PLXNA4: variants seen among roughly 807,000 people sequenced by gnomAD.
PLXNA4 encodes plexin A4, also known as plexin-A4.
In PLXNA4, 44 loss-of-function variants were observed where a neutral mutation model predicts 191.8. That is an observed-to-expected ratio of 0.23 (90% CI 0.18 to 0.29). The LOEUF (loss-of-function observed/expected upper bound fraction) is 0.29, where lower values mean the gene tolerates loss of function less well. PLXNA4 is among the 10% of genes least tolerant of loss of function. PLXNA4 has a pLI of 1.00. For missense variants in PLXNA4, 1,800 were observed against 2,488.8 expected (o/e 0.72, Z 5.89); for synonymous variants, 1,082 against 1,009.5 (o/e 1.07, Z -1.36).
chr7:132,140,867 G>A (rs1222042802), intron 29 of PLXNA4, 56 bp from the exon 30 acceptor site: 8 of 1,594,800 alleles, frequency 5.0e-6, no homozygotes, highest in Non-Finnish European at 6.8e-6. Context: ...GGGCTGTGGT[G>A]TGGGTAGGAG....
At position 132,267,464 on chromosome 7, in the gene PLXNA4, A is replaced by G. The variant is rs998681075; in HGVS notation, c.1504-26298T>C. ...AGCAGTTCTGACCTTGACTTAGTAT[A>G]TCTTCCAGCTAATCATGAGTCTAGA... On this transcript the variant is annotated intron_variant, in intron 4 of 31. Transcript: ENST00000321063. Among the ~76,000 whole-genome samples the G allele has an allele frequency of 2.0e-5, 3 of 152,184 alleles. No individual in the cohort carries two copies. The East Asian group carries it at 5.8e-4, about 29-fold the overall frequency.
At chr7:132,563,722 CTCT>C (rs1159246207) in intron 1 of PLXNA4, among the ~76,000 whole-genome samples, 19 of 113,444 alleles carry the variant, frequency 1.7e-4, no homozygotes, top group African/African-American at 6.8e-4. Context: ...TCTCCTCCTC[CTCT>C]TCCTCTTCCT....
At chr7:132,139,187 T>TC (rs928046310) in intron 30 of PLXNA4, among the ~76,000 whole-genome samples, 3 of 152,110 alleles carry the variant, frequency 2.0e-5, no homozygotes, top group Non-Finnish European at 4.4e-5. Context: ...ACCACCTGCA[T>TC]CAGTAGGAAA....
intron 3 of PLXNA4, among the ~76,000 whole-genome samples, chr7:132,367,427 G>C (rs886504531): frequency 2.0e-5 from 3 of 151,976 alleles, no homozygotes; most frequent in African/African-American, 7.3e-5. Flanking sequence ...ACACACTCGG[G>C]AGTGAGGTGG....
intron 3 of PLXNA4, among the ~76,000 whole-genome samples, chr7:132,397,368 T>C (rs35807186): frequency 0.16 from 24,864 of 152,178 alleles, 2,735 homozygotes; most frequent in African/African-American, 0.28. Context: ...GTTTGGATAC[T>C]GAGATGCGTC....
At chr7:132,217,716 A>C (rs1798008220) in intron 9 of PLXNA4, among the ~76,000 whole-genome samples, 1 of 152,208 alleles carries the variant, frequency 6.6e-6, no homozygotes, top group South Asian at 2.1e-4. Context: ...GATCTATGAC[A>C]GGCTGGTTCA....
intron 3 of PLXNA4, among the ~76,000 whole-genome samples, chr7:132,389,426 T>C (rs1805303132): frequency 6.6e-6 from 1 of 152,240 alleles, no homozygotes; most frequent in African/African-American, 2.4e-5. Context: ...CTTGAATCCA[T>C]CTTGAGTTAA....
At chr7:132,168,101 G>C (rs965368185) in intron 22 of PLXNA4, among the ~76,000 whole-genome samples, 5 of 152,210 alleles carry the variant, frequency 3.3e-5, no homozygotes, top group African/African-American at 4.8e-5. Flanking sequence ...GAGCCAACAA[G>C]TCCATGCATC....
intron 3 of PLXNA4, among the ~76,000 whole-genome samples, chr7:132,403,554 C>T (rs139521302): frequency 2.0e-5 from 3 of 152,188 alleles, no homozygotes; most frequent in African/African-American, 7.2e-5. Context: ...TCTTACTGAT[C>T]GCGTTTGCTT....
chr7:132,241,053 C>G lies in PLXNA4; in HGVS notation c.1604+13G>C. ...AAGTGGGAGGCACGAGGCAGCCTCC[C>G]CATGGTACTCACGTGTTGTGCAGCA... is the stretch of plus-strand genomic sequence containing the variant. On this transcript the variant is annotated intron_variant, in intron 5 of 31. Transcript: ENST00000321063. 2.5e-6 allele frequency: 4 copies of G among 1,582,726 alleles called. No homozygotes were observed. The South Asian group carries it at 3.5e-5, about 14-fold the overall frequency.
chr7:132,473,077 G>A (rs1025287830), intron 3 of PLXNA4, among the ~76,000 whole-genome samples: 3 of 152,228 alleles, frequency 2.0e-5, no homozygotes, highest in African/African-American at 7.2e-5. Context: ...TAGAGAGAGT[G>A]GGGGCACATT....
chr7:132,276,016 C>G (rs1486626341), intron 4 of PLXNA4, among the ~76,000 whole-genome samples: 2 of 152,188 alleles, frequency 1.3e-5, no homozygotes, highest in African/African-American at 4.8e-5. Context: ...TGAACTGGCC[C>G]CTCCCTGCAA....
intron 30 of PLXNA4, among the ~76,000 whole-genome samples, chr7:132,135,140 T>A (rs1795075688): frequency 6.6e-6 from 1 of 152,228 alleles, no homozygotes; most frequent in African/African-American, 2.4e-5. Flanking sequence ...GGATCCCATG[T>A]CTACCAAGCA....
At chr7:132,431,412 G>T (rs1328246291) in intron 3 of PLXNA4, among the ~76,000 whole-genome samples, 2 of 152,180 alleles carry the variant, frequency 1.3e-5, no homozygotes, top group Non-Finnish European at 2.9e-5. Flanking sequence ...CAGCCAGCTA[G>T]TGAAAACCAA....
intron 2 of PLXNA4, among the ~76,000 whole-genome samples, chr7:132,499,631 G>A (rs972225759): frequency 9.2e-5 from 14 of 152,164 alleles, no homozygotes; most frequent in African/African-American, 3.4e-4. Context: ...TGATGATTAA[G>A]TTTGTGTGTT....
At chr7:132,478,411 G>C (rs550259443) in intron 3 of PLXNA4, among the ~76,000 whole-genome samples, 54 of 152,326 alleles carry the variant, frequency 3.5e-4, no homozygotes, top group African/African-American at 1.2e-3. Context: ...ACTTGTAGTA[G>C]AGGAATCCTG....
chr7:132,322,647 C>T (rs1276153565), intron 3 of PLXNA4, among the ~76,000 whole-genome samples: 1 of 152,216 alleles, frequency 6.6e-6, no homozygotes, highest in East Asian at 1.9e-4. Flanking sequence ...CCAAAAAGCA[C>T]CTGGCCACAT....
At chr7:132,242,229 T>C (rs1125855) in intron 4 of PLXNA4, among the ~76,000 whole-genome samples, 15,138 of 152,108 alleles carry the variant, frequency 0.1, 1,071 homozygotes, top group Non-Finnish European at 0.15. Flanking sequence ...CTGCCTGATG[T>C]TTCAGCTTGA....
chr7:132,367,242 G>A (rs1438313099), intron 3 of PLXNA4, among the ~76,000 whole-genome samples: 1 of 152,212 alleles, frequency 6.6e-6, no homozygotes, highest in Non-Finnish European at 1.5e-5. Flanking sequence ...GAGTAGCCCT[G>A]GGCTGGGCTG....
Sources: allele counts gnomAD v4.1 joint callset (sites outside exome capture counted in the v4.1 genomes callset), GRCh38; gene constraint gnomAD v4.1.1; transcripts MANE v1.5; gene names NCBI Gene and HGNC (gene_info 2026-07-23, HGNC 2026-07-21).